The following L3MBTL4 variants were observed in gnomAD, a reference collection of about 807,000 sequenced individuals.
L3MBTL4 encodes lethal(3)malignant brain tumor-like protein 4.
Under a neutral mutation model 84.5 loss-of-function variants are expected in L3MBTL4, and 70 were observed. The ratio of observed to expected loss-of-function variants is 0.83; its 90% confidence interval spans 0.68 to 1.01. The LOEUF (loss-of-function observed/expected upper bound fraction) is 1.01. L3MBTL4 is among the 50% of genes least tolerant of loss of function. L3MBTL4 has a pLI of 0.00. For synonymous variants in L3MBTL4, 274 were observed against 259.8 expected, an observed-to-expected ratio of 1.05 and a Z score of -0.52; for missense variants, 715 against 754.8, an observed-to-expected ratio of 0.95 and a Z score of 0.62.
intron 16 of L3MBTL4, among the ~76,000 whole-genome samples, chr18:6,002,573 C>A (rs977270906): frequency 1.3e-5 from 2 of 151,834 alleles, no homozygotes; most frequent in Admixed American, 6.6e-5. Context: ...TATATAGGAG[C>A]GGAATTTTTG....
At chr18:6,257,853 T>C (rs1316738057) in intron 5 of L3MBTL4, among the ~76,000 whole-genome samples, 5 of 151,628 alleles carry the variant, frequency 3.3e-5, no homozygotes, top group African/African-American at 1.2e-4. Flanking sequence ...TCCATGTTGG[T>C]CAGGCTGGTC....
intron 16 of L3MBTL4, among the ~76,000 whole-genome samples, chr18:6,005,012 T>C (rs2054401691): frequency 7.4e-6 from 1 of 134,680 alleles, no homozygotes; most frequent in African/African-American, 2.7e-5. Context: ...TTTTTTTTTT[T>C]TTTTTTTTTT....
intron 5 of L3MBTL4, among the ~76,000 whole-genome samples, chr18:6,263,493 T>A (rs1053312059): frequency 6.6e-6 from 1 of 152,166 alleles, no homozygotes; most frequent in African/African-American, 2.4e-5. Context: ...TTCAGGGGTT[T>A]CAATGTCTTC....
chr18:6,146,168 G>C (rs1023063421), intron 13 of L3MBTL4, among the ~76,000 whole-genome samples: 1 of 152,254 alleles, frequency 6.6e-6, no homozygotes, highest in Non-Finnish European at 1.5e-5. Flanking sequence ...ACACTGGCAA[G>C]CACTGCGTGG....
intron 16 of L3MBTL4, among the ~76,000 whole-genome samples, chr18:6,079,748 C>T (rs1340780232): frequency 1.3e-5 from 2 of 152,010 alleles, no homozygotes; most frequent in Non-Finnish European, 2.9e-5. Context: ...CAAAACATGT[C>T]GTTTACAGAA....
chr18:6,326,910 G>A (rs1373726179), intron 1 of L3MBTL4, among the ~76,000 whole-genome samples: 1 of 152,122 alleles, frequency 6.6e-6, no homozygotes, highest in Non-Finnish European at 1.5e-5. Flanking sequence ...TCCTTCCAAT[G>A]ACCCTGATTT....
intron 16 of L3MBTL4, chr18:6,079,933 T>A (rs1435177171): frequency 1.3e-5 from 2 of 152,252 alleles, no homozygotes; most frequent in East Asian, 3.8e-4. Flanking sequence ...GCCCTCTCTT[T>A]TCTGAGGAAA....
chr18:6,325,926 G>T (rs2051694022), intron 1 of L3MBTL4, among the ~76,000 whole-genome samples: 1 of 152,124 alleles, frequency 6.6e-6, no homozygotes, highest in East Asian at 1.9e-4. Flanking sequence ...CCCTTTTTCA[G>T]CAAGGCTTGC....
intron 17 of L3MBTL4, among the ~76,000 whole-genome samples, chr18:5,962,581 T>A (rs542582859): frequency 6.6e-6 from 1 of 152,196 alleles, no homozygotes; most frequent in Non-Finnish European, 1.5e-5. Context: ...TCACGCTGAC[T>A]GCAGTCCAGG....
At chr18:6,130,375 G>A (rs1165999595) in intron 14 of L3MBTL4, among the ~76,000 whole-genome samples, 2 of 152,064 alleles carry the variant, frequency 1.3e-5, no homozygotes, top group Non-Finnish European at 2.9e-5. Context: ...ATCCTGAATA[G>A]AGGGTGAGTT....
intron 1 of L3MBTL4, among the ~76,000 whole-genome samples, chr18:6,358,554 G>A (rs1367540441): frequency 1.3e-5 from 2 of 152,226 alleles, no homozygotes; most frequent in Non-Finnish European, 2.9e-5. Flanking sequence ...AAAGACAGCT[G>A]TAGCAAAAGT....
intron 1 of L3MBTL4, among the ~76,000 whole-genome samples, chr18:6,376,680 G>C (rs1190076826): frequency 6.6e-6 from 1 of 152,208 alleles, no homozygotes; most frequent in Non-Finnish European, 1.5e-5. Context: ...TGAGGCTGCA[G>C]TGAGCCTTGA....
chr18:6,305,024 C>T (rs563583624), intron 3 of L3MBTL4, among the ~76,000 whole-genome samples: 1 of 152,224 alleles, frequency 6.6e-6, no homozygotes, highest in Non-Finnish European at 1.5e-5. Flanking sequence ...TTACCTCTCA[C>T]TTTGGATTTA....
intron 1 of L3MBTL4, among the ~76,000 whole-genome samples, chr18:6,316,872 A>G (rs577004798): frequency 4.6e-5 from 7 of 152,276 alleles, no homozygotes; most frequent in Admixed American, 3.9e-4. Context: ...GGGCTGGGAC[A>G]TCTGCCCACT....
At chr18:5,974,918 C>T (rs917378044) in intron 16 of L3MBTL4, among the ~76,000 whole-genome samples, 10 of 150,044 alleles carry the variant, frequency 6.7e-5, no homozygotes, top group Middle Eastern at 3.5e-3. Flanking sequence ...GAGTTATGAT[C>T]GCACCACTGC....
intron 1 of L3MBTL4, among the ~76,000 whole-genome samples, chr18:6,405,250 C>A (rs529539943): frequency 2.0e-5 from 3 of 152,298 alleles, no homozygotes; most frequent in African/African-American, 7.2e-5. Flanking sequence ...GGAAATAATA[C>A]AACCATGAAG....
intron 4 of L3MBTL4, among the ~76,000 whole-genome samples, chr18:6,279,507 A>G (rs1027657936): frequency 2.6e-5 from 4 of 152,204 alleles, no homozygotes; most frequent in Non-Finnish European, 5.9e-5. Context: ...TCCTGTCACT[A>G]GAGAGGAATC....
At chr18:6,191,879 C>T (rs1056502460) in intron 12 of L3MBTL4, among the ~76,000 whole-genome samples, 2 of 151,928 alleles carry the variant, frequency 1.3e-5, no homozygotes, top group Non-Finnish European at 2.9e-5. Context: ...AGTCCCAGCT[C>T]CTCAGGAAGC....
At chr18:6,070,204 A>G (rs2057538612) in intron 16 of L3MBTL4, among the ~76,000 whole-genome samples, 1 of 152,198 alleles carries the variant, frequency 6.6e-6, no homozygotes, top group African/African-American at 2.4e-5. Flanking sequence ...AGATTTAAGC[A>G]CTATGAATCC....
Sources: gnomAD v4.1 joint callset for allele counts (sites outside exome capture counted in the v4.1 genomes callset) on GRCh38, gnomAD v4.1.1 for gene constraint, MANE v1.5 for transcripts, NCBI Gene and HGNC (gene_info 2026-07-23, HGNC 2026-07-21) for gene names.